Variants in CKS2 observed in about 807,000 individuals in gnomAD.
The protein encoded by CKS2 is CDC28 protein kinase regulatory subunit 2, also known as cyclin-dependent kinases regulatory subunit 2.
A neutral mutation model predicts 14.3 loss-of-function variants in CKS2; 4 were observed. The ratio of observed to expected loss-of-function variants is 0.28; its 90% CI spans 0.14 to 0.64. The LOEUF (loss-of-function observed/expected upper bound fraction) is 0.64. Ranked by LOEUF, CKS2 falls within the 30% of genes least tolerant of loss-of-function variation. The pLI, the probability that CKS2 is intolerant of heterozygous loss-of-function variation, is 0.83. For synonymous variants in CKS2, 33 were observed against 28.7 expected (o/e 1.15, Z -0.48); for missense variants, 71 against 94.3 (o/e 0.75, Z 1.02).
intron 1 of CKS2, among the ~76,000 whole-genome samples, chr9:89,313,126 C>T (rs1824650091): frequency 6.6e-6 from 1 of 152,156 alleles, no homozygotes; most frequent in African/African-American, 2.4e-5. Context: ...GTAATTTCCA[C>T]ACATAATTTT....
intron 1 of CKS2, 51 bp from the exon 2 acceptor site, chr9:89,315,119 G>T: frequency 6.6e-7 from 1 of 1,520,704 alleles, no homozygotes; most frequent in Non-Finnish European, 8.9e-7. Flanking sequence ...TGTATAAAGC[G>T]ACAGTTGTAG....
At chr9:89,312,532 CAGTG>C (rs1824639052) in intron 1 of CKS2, among the ~76,000 whole-genome samples, 1 of 152,160 alleles carries the variant, frequency 6.6e-6, no homozygotes, top group Admixed American at 6.5e-5. Flanking sequence ...AAGAACAAAA[CAGTG>C]GGTGGTTTCT....
At chr9:89,312,338 G>A (rs1587814584) in intron 1 of CKS2, 1 of 154,622 alleles carries the variant, frequency 6.5e-6, no homozygotes, top group South Asian at 2.0e-4. Flanking sequence ...CTTCATTTAG[G>A]GCGTGGCTTC....
Position 89,316,402 on chromosome 9 carries a change from C to G in CKS2, c.217C>G (p.Leu73Val), listed in dbSNP as rs1277236712. Residue 73 changes from leucine to valine, a missense_variant, in exon 3 of 3, where the codon CTT (leucine) becomes GTT (valine). Leu to Val is a conservative substitution (Grantham distance 32). Coordinates refer to ENST00000314355, the MANE Select transcript of CKS2 (RefSeq NM_001827.3). Reference sequence around the variant, plus strand: ...ACATATTCTTCTCTTTAGACGACCTCTTCCAAAAGATCAACAAAAATGAAG... The same window carrying G: ...ACATATTCTTCTCTTTAGACGACCTGTTCCAAAAGATCAACAAAAATGAAG... ...EPHILLFRRP[L>V]PKDQQK The G allele has an allele frequency of 6.3e-7, 1 of 1,595,586 alleles. No homozygotes were observed. Among genetic ancestry groups the G allele is most frequent in the South Asian group, 1.1e-5 (1 of 89,698 alleles).
At position 89,315,184 on chromosome 9, in the gene CKS2, C is replaced by G; in HGVS notation, c.74C>G (p.Pro25Arg). ...TCTTGTAACAGGCATGTTATGTTAC[C>G]CAGAGAACTTTCCAAACAAGTACCT... ...EHYEYRHVML[P>R]RELSKQVPKT... Residue 25 changes from proline (P) to arginine (R), a missense_variant, in exon 2 of 3, where the codon CCC (proline) becomes CGC (arginine). By Grantham distance (103) the Pro-to-Arg change is moderately radical. Coordinates refer to ENST00000314355, the MANE Select transcript of CKS2 (RefSeq NM_001827.3). 6.2e-7 allele frequency: 1 copy of G among 1,608,342 alleles called. No individual in the cohort carries two copies. The highest frequency in any genetic ancestry group is 8.5e-7 in the Non-Finnish European group (1 of 1,177,596).
chr9:89,315,438 T>G, intron 2 of CKS2, 141 bp downstream of exon 2: 4 of 579,402 alleles, frequency 6.9e-6, no homozygotes, highest in Admixed American at 3.9e-5. Context: ...AATGACTAAT[T>G]TCTTGACTCT....
chr9:89,311,642 A>G (rs1442489447), intron 1 of CKS2, among the ~76,000 whole-genome samples: 1 of 152,202 alleles, frequency 6.6e-6, no homozygotes, highest in Non-Finnish European at 1.5e-5. Context: ...AACCGGCGCA[A>G]CTTGGGGGTC....
intron 1 of CKS2, among the ~76,000 whole-genome samples, chr9:89,314,151 A>G (rs993216991): frequency 6.6e-6 from 1 of 152,234 alleles, no homozygotes; most frequent in Non-Finnish European, 1.5e-5. Flanking sequence ...ATGGTTCAGT[A>G]TAAAACTGTT....
intron 1 of CKS2, 143 bp downstream of exon 1, chr9:89,311,494 G>T: frequency 3.6e-6 from 2 of 558,562 alleles, no homozygotes; most frequent in Non-Finnish European, 5.9e-6. Flanking sequence ...CCGGGGTTTG[G>T]GGTCGCGGCC....
At chr9:89,312,934 G>T (rs971380923) in intron 1 of CKS2, among the ~76,000 whole-genome samples, 2 of 152,098 alleles carry the variant, frequency 1.3e-5, no homozygotes, top group African/African-American at 4.8e-5. Context: ...AATAAATGAA[G>T]CTATTTCTCA....
chr9:89,311,991 C>A (rs578200682), intron 1 of CKS2, among the ~76,000 whole-genome samples: 1 of 151,878 alleles, frequency 6.6e-6, no homozygotes, highest in African/African-American at 2.4e-5. Flanking sequence ...GATGGGGATT[C>A]GAAAATGTTT....
intron 1 of CKS2, 91 bp downstream of exon 1, chr9:89,311,442 GC>G: frequency 1.3e-6 from 1 of 792,648 alleles, no homozygotes; most frequent in Non-Finnish European, 1.9e-6. Context: ...GGGGGTGGGG[GC>G]CGGGGCCTGG....
chr9:89,311,545 C>A (rs1824609051), intron 1 of CKS2, among the ~76,000 whole-genome samples, 194 bp downstream of exon 1: 1 of 152,188 alleles, frequency 6.6e-6, no homozygotes, highest in African/African-American at 2.4e-5. Context: ...GGGTGCCTGG[C>A]CGCGCCGGGC....
At position 89,311,223 on chromosome 9, in the gene CKS2, C is replaced by G. The variant is rs1010987730; in HGVS notation, c.-70C>G. The G allele has an allele frequency of 3.2e-5, 42 of 1,316,062 alleles. No individual in the cohort carries two copies. Among genetic ancestry groups the G allele is most frequent in the Non-Finnish European group, 4.3e-5 (40 of 920,346 alleles). The allele number at this position is 1,316,062 out of a possible 1,614,324, so 81.5% of individuals were successfully genotyped here. ...AGTCTCCGGCGAGTTGTTGCCTGGG[C>G]TGGACGTGGTTTTGTCTGCTGCGCC... is the stretch of plus-strand genomic sequence containing the variant. On this transcript the variant is annotated 5_prime_UTR_variant, in exon 1 of 3. Transcript: ENST00000314355.
intron 1 of CKS2, among the ~76,000 whole-genome samples, chr9:89,312,659 C>T (rs1355443156): frequency 6.6e-6 from 1 of 152,078 alleles, no homozygotes; most frequent in African/African-American, 2.4e-5. Flanking sequence ...AGAAAAATAG[C>T]ATGTTTTTCT....
Position 89,316,457 on chromosome 9 carries a change from A to C in CKS2, c.*32A>C, listed in dbSNP as rs561735864. ...TCTGGGGATCGTCAAATCTTTTTCA[A>C]ATTTAATGTATATGTGTATATAAGG... On this transcript the variant is annotated 3_prime_UTR_variant, in exon 3 of 3. Transcript: ENST00000314355. The C allele has an allele frequency of 1.5e-6, 2 of 1,352,868 alleles. No individual in the cohort carries two copies. The highest frequency in any genetic ancestry group is 1.2e-5 in the South Asian group (1 of 82,450). 83.8% of individuals were successfully genotyped at this position (1,352,868 alleles called of 1,614,324 possible).
chr9:89,311,407 G>C (rs1824604238), intron 1 of CKS2, 56 bp downstream of exon 1: 1 of 1,495,012 alleles, frequency 6.7e-7, no homozygotes, highest in Admixed American at 1.9e-5. Context: ...CCCCGCGGGC[G>C]GGGCGACCCA....
At position 89,316,382 on chromosome 9, in the gene CKS2, T is replaced by C; in HGVS notation, c.197T>C (p.Ile66Thr). 6.3e-7 allele frequency: 1 copy of C among 1,587,482 alleles called. No individual in the cohort carries two copies. The highest frequency in any genetic ancestry group is 8.6e-7 in the Non-Finnish European group (1 of 1,159,590). Residue 66 changes from isoleucine to threonine, a missense_variant, in exon 3 of 3, where the codon ATT (isoleucine) becomes ACT (threonine). By Grantham distance (89) the Ile-to-Thr change is moderately conservative. Coordinates refer to ENST00000314355, the MANE Select transcript of CKS2 (RefSeq NM_001827.3). ...HYMIHEPEPH[I>T]LLFRRPLPKD... ...CATTTTCTTTCCACAGAACCACATA[T>C]TCTTCTCTTTAGACGACCTCTTCCA...
At chr9:89,315,381 C>T (rs1824687976) in intron 2 of CKS2, 84 bp downstream of exon 2, 2 of 1,159,856 alleles carry the variant, frequency 1.7e-6, no homozygotes, top group Non-Finnish European at 1.2e-6. Context: ...ATATCATTGA[C>T]ATCAAATGAT....
Sources: gnomAD v4.1 joint callset for allele counts (sites outside exome capture counted in the v4.1 genomes callset) on GRCh38, gnomAD v4.1.1 for gene constraint, MANE v1.5 for transcripts, NCBI Gene and HGNC (gene_info 2026-07-23, HGNC 2026-07-21) for gene names.